Variants in LTBP3 observed in about 807,000 individuals in gnomAD.
LTBP3 encodes latent-transforming growth factor beta-binding protein 3.
A neutral mutation model predicts 159.7 loss-of-function variants in LTBP3; 97 were observed. The observed-to-expected ratio is 0.61, with a 90% CI of 0.52 to 0.72. The LOEUF is 0.72. LTBP3 is among the 30% of genes least tolerant of loss of function. The probability of loss-of-function intolerance (pLI) is 0.00; values close to 1 mark genes in which losing one functional copy is unlikely to be tolerated. For synonymous variants in LTBP3, 824 were observed against 777.1 expected (o/e 1.06, Z -1.00); for missense variants, 1,584 against 1,864.3 (o/e 0.85, Z 2.77).
chr11:65,552,328 C>T lies in LTBP3; in HGVS notation c.1265G>A (p.Arg422His), dbSNP rs143751614. Reference sequence around the variant, plus strand: ...GCAGCAGCAGAGCTGGCGGGTCAGGCGGGTGGTCAGTGGGTGCTGGCACTG... The same window carrying T: ...GCAGCAGCAGAGCTGGCGGGTCAGGTGGGTGGTCAGTGGGTGCTGGCACTG... Reference protein sequence around the residue: ...EHQCQHPLTTRLTRQLCCCSV... With the variant: ...EHQCQHPLTTHLTRQLCCCSV... The change falls in exon 7 of 28, where the codon CGC (arginine) becomes CAC (histidine). Residue 422 changes from arginine (R) to histidine (H), a missense_variant. Physicochemically the swap from Arg to His is conservative, Grantham distance 29 (BLOSUM62 0). This residue lies in a region of LTBP3 where 156 missense variants were observed against 259.7 expected (regional missense o/e 0.60). Coordinates refer to ENST00000301873, the MANE Select transcript of LTBP3 (RefSeq NM_001130144.3). The surrounding 1 kb of genome is among the most constrained non-coding windows in gnomAD (Gnocchi z 6.0). 3.9e-5 allele frequency: 63 copies of T among 1,614,060 alleles called. No homozygotes were observed. Among genetic ancestry groups the T allele is most frequent in the Admixed American group, 1.2e-4 (7 of 60,022 alleles).
At chr11:65,543,003 G>T in intron 18 of LTBP3, 102 bp downstream of exon 18, 1 of 1,454,812 alleles carries the variant, frequency 6.9e-7, no homozygotes, top group Middle Eastern at 2.1e-4. Flanking sequence ...GATGAAGGAT[G>T]GTTGGATGGG....
At position 65,554,251 on chromosome 11, in the gene LTBP3, G is replaced by A. The variant is rs2135159939; in HGVS notation, c.461C>T (p.Ser154Leu). ...CCCTGTCCTGCTCAGGCCGGGGCCT[G>A]AGCCGCCGGTACCCCCACCGGCTCC... Reference protein sequence around the residue: ...AGGAGGGTGGSGPGLSRTGAL... With the variant: ...AGGAGGGTGGLGPGLSRTGAL... The change falls in exon 2 of 28, where the codon TCA becomes TTA. Residue 154 changes from serine (S) to leucine (L), a missense_variant. Physicochemically the swap from Ser to Leu is moderately radical, Grantham distance 145 (BLOSUM62 -2). Around this residue, in one of 6 missense-constraint regions of LTBP3, gnomAD observed 194 missense variants for 198.7 expected, o/e 0.98. Coordinates refer to ENST00000301873, the MANE Select transcript of LTBP3 (RefSeq NM_001130144.3). The surrounding 1 kb of genome is among the most constrained non-coding windows in gnomAD (Gnocchi z 5.3). 2 of 1,608,044 alleles carry A rather than the reference G, an allele frequency of 1.2e-6. No homozygotes were observed. The highest frequency in any genetic ancestry group is 1.1e-5 in the South Asian group (1 of 90,898).
At chr11:65,551,009 G>T in intron 11 of LTBP3, 117 bp downstream of exon 11, 2 of 876,562 alleles carry the variant, frequency 2.3e-6, no homozygotes, top group Non-Finnish European at 3.7e-6. Context: ...CCAGTGCCCA[G>T]CCCTGGATAC....
chr11:65,547,977 A>C lies in LTBP3; in HGVS notation c.1789T>G (p.Tyr597Asp). The part of the protein sequence containing the change: ...HGECVPGPPD[Y>D]SCHCNPGYRS... ...TAGCCGGGGTTGCAGTGGCAGGAGT[A>C]GTCAGGGGGGCCCGGCACGCACTCT... Residue 597 changes from tyrosine (Y) to aspartate (D), a missense_variant, in exon 12 of 28, where the codon TAC becomes GAC. This residue lies in a region of LTBP3 where 565 missense variants were observed against 677.7 expected (regional missense o/e 0.83). Transcript: ENST00000301873. The surrounding 1 kb of genome is among the most constrained non-coding windows in gnomAD (Gnocchi z 4.6). The C allele has an allele frequency of 6.2e-7, 1 of 1,613,802 alleles. No individual in the cohort carries two copies. The highest frequency in any genetic ancestry group is 8.5e-7 in the Non-Finnish European group (1 of 1,179,980).
Position 65,554,225 on chromosome 11 carries a change from C to T in LTBP3, c.487G>A (p.Ala163Thr). The change falls in exon 2 of 28, where the codon GCC becomes ACC. Residue 163 changes from alanine to threonine, a missense_variant. Coordinates refer to ENST00000301873, the MANE Select transcript of LTBP3 (RefSeq NM_001130144.3). The surrounding 1 kb of genome is among the most constrained non-coding windows in gnomAD (Gnocchi z 5.3). ...GGCGGCAGCGCCCCTGTGGACAGGGCCCCTGTCCTGCTCAGGCCGGGGCCT... is the reference window on the plus strand; with the variant it reads ...GGCGGCAGCGCCCCTGTGGACAGGGTCCCTGTCCTGCTCAGGCCGGGGCCT... Reference protein sequence around the residue: ...GSGPGLSRTGALSTGALPPLA... With the variant: ...GSGPGLSRTGTLSTGALPPLA... The T allele has an allele frequency of 6.2e-6, 10 of 1,609,904 alleles. No individual in the cohort carries two copies. In the South Asian group the frequency reaches 9.9e-5, roughly 16 times the overall value.
intron 19 of LTBP3, 142 bp from the exon 20 acceptor site, chr11:65,541,435 G>T: frequency 7.1e-7 from 1 of 1,407,032 alleles, no homozygotes; most frequent in Non-Finnish European, 9.9e-7. Context: ...TCTCAACGTG[G>T]TGTTCTGGAC....
At chr11:65,545,952 T>G (rs1856347608) in intron 16 of LTBP3, among the ~76,000 whole-genome samples, 1 of 152,162 alleles carries the variant, frequency 6.6e-6, no homozygotes, top group Non-Finnish European at 1.5e-5. Context: ...CCTGCCATGC[T>G]GTTCCTCTCC....
chr11:65,556,801 C>A (rs1565103421), intron 1 of LTBP3, among the ~76,000 whole-genome samples: 1 of 152,198 alleles, frequency 6.6e-6, no homozygotes, highest in Admixed American at 6.5e-5. Flanking sequence ...CATCCTGGGC[C>A]TGGCCTAATT....
At position 65,538,793 on chromosome 11, in the gene LTBP3, A is replaced by G. The variant is rs1855884221; in HGVS notation, c.*287T>C. ...GCCCGCGCCCACGTCAGACGTGAAC[A>G]TCAATTTGCTTCGAAAGCCAAGGGT... On this transcript the variant is annotated 3_prime_UTR_variant, in exon 28 of 28. Coordinates refer to ENST00000301873, the MANE Select transcript of LTBP3 (RefSeq NM_001130144.3). 2 of 803,452 alleles carry G rather than the reference A, an allele frequency of 2.5e-6. No homozygotes were observed. The highest frequency in any genetic ancestry group is 3.5e-5 in the African/African-American group (2 of 56,876). The allele number at this position is 803,452 out of a possible 1,614,324, so 49.8% of individuals were successfully genotyped here.
At position 65,558,282 on chromosome 11, in the gene LTBP3, C is replaced by T; in HGVS notation, c.-323G>A. 3.3e-6 allele frequency: 3 copies of T among 917,364 alleles called. No individual in the cohort carries two copies. Among genetic ancestry groups the T allele is most frequent in the Non-Finnish European group, 4.0e-6 (3 of 752,924 alleles). The allele number at this position is 917,364 out of a possible 1,614,324, so 56.8% of individuals were successfully genotyped here. On this transcript the variant is annotated 5_prime_UTR_variant, in exon 1 of 28. Coordinates refer to ENST00000301873, the MANE Select transcript of LTBP3 (RefSeq NM_001130144.3). ...GGAAGGCCGGGCGGCCGGCCCGCTC[C>T]GCGCCTCCCCCTGGCCGGGCTCCTC...
Position 65,540,928 on chromosome 11 carries a change from C to T in LTBP3, c.2920G>A (p.Gly974Arg), listed in dbSNP as rs1409490872. The T allele has an allele frequency of 1.9e-6, 3 of 1,613,626 alleles. No individual in the cohort carries two copies. The highest frequency in any genetic ancestry group is 2.7e-5 in the African/African-American group (2 of 75,064). ...SAEFHSLCPD[G>R]KGYTQDNNIV... Reference sequence around the variant, plus strand: ...TTGTTGTCCTGGGTGTAGCCCTTTCCGTCTGGGCAGAGGCTGTGGAACTCG... The same window carrying T: ...TTGTTGTCCTGGGTGTAGCCCTTTCTGTCTGGGCAGAGGCTGTGGAACTCG... Residue 974 changes from glycine to arginine, a missense_variant, in exon 21 of 28, where the codon GGA (glycine) becomes AGA (arginine). By Grantham distance (125) the Gly-to-Arg change is moderately radical (BLOSUM62 -2). Transcript: ENST00000301873.
Position 65,546,160 on chromosome 11 carries a change from G to A in LTBP3, c.2353+282C>T, listed in dbSNP as rs538178928. 11 of 477,344 alleles carry A rather than the reference G, an allele frequency of 2.3e-5. No individual in the cohort carries two copies. Among genetic ancestry groups the A allele is most frequent in the Middle Eastern group, 5.3e-4 (1 of 1,886 alleles). The allele number at this position is 477,344 out of a possible 1,614,324, so 29.6% of individuals were successfully genotyped here. A position where few individuals can be genotyped will look rare whatever the true frequency, so the allele number is the denominator to read the frequency against. Reference sequence around the variant, plus strand: ...GGCGTATAATAAACAGGAGTGCAGGGGGGAGTACTATCGTCTGCCCTCATT... The same window carrying A: ...GGCGTATAATAAACAGGAGTGCAGGAGGGAGTACTATCGTCTGCCCTCATT... On this transcript the variant is annotated intron_variant, in intron 16 of 27. Transcript: ENST00000301873. The surrounding 1 kb of genome is among the most constrained non-coding windows in gnomAD (Gnocchi z 4.0).
At position 65,552,956 on chromosome 11, in the gene LTBP3, C is replaced by T. The variant is rs769391647; in HGVS notation, c.1090G>A (p.Val364Met). 6.8e-5 allele frequency: 110 copies of T among 1,614,062 alleles called. No homozygotes were observed. The highest frequency in any genetic ancestry group is 9.0e-5 in the Non-Finnish European group (106 of 1,180,028). The change falls in exon 6 of 28, where the codon GTG (valine) becomes ATG (methionine). Residue 364 changes from valine (V) to methionine (M), a missense_variant. By Grantham distance (21) the Val-to-Met change is conservative (BLOSUM62 1). This residue lies in a region of LTBP3 where 156 missense variants were observed against 259.7 expected (regional missense o/e 0.60). Transcript: ENST00000301873. The surrounding 1 kb of genome is among the most constrained non-coding windows in gnomAD (Gnocchi z 6.0). The stretch of plus-strand genomic sequence containing the variant: ...TTGAGGCAGTCACCATGGCGACACA[C>T]GCCCGGCATTGCGCACTCGTTGATG... Reference protein sequence around the residue: ...QDINECAMPGVCRHGDCLNNP... With the variant: ...QDINECAMPGMCRHGDCLNNP...
chr11:65,553,972 A>T lies in LTBP3; in HGVS notation c.662-69T>A. The T allele has an allele frequency of 1.3e-6, 2 of 1,566,106 alleles. No individual in the cohort carries two copies. The highest frequency in any genetic ancestry group is 1.7e-6 in the Non-Finnish European group (2 of 1,156,890). On this transcript the variant is annotated intron_variant, in intron 2 of 27. Transcript: ENST00000301873. This position sits in a 1 kb window ranked among gnomAD's most constrained non-coding sequence, Gnocchi z 6.5. Reference sequence around the variant, plus strand: ...GCGGGTCACCGCGCTGAGCTCCTCCAGGGCTGAACCTGCCCTGCCCTGGCC... The same window carrying T: ...GCGGGTCACCGCGCTGAGCTCCTCCTGGGCTGAACCTGCCCTGCCCTGGCC...
At position 65,557,914 on chromosome 11, in the gene LTBP3, G is replaced by C; in HGVS notation, c.46C>G (p.Arg16Gly). 1 of 1,260,194 alleles carries C rather than the reference G, an allele frequency of 7.9e-7. No individual in the cohort carries two copies. Among genetic ancestry groups the C allele is most frequent in the Non-Finnish European group, 1.0e-6 (1 of 992,936 alleles). The allele number at this position is 1,260,194 out of a possible 1,614,324, so 78.1% of individuals were successfully genotyped here. A position where few individuals can be genotyped will look rare whatever the true frequency, so the allele number is the denominator to read the frequency against. ...GAAGGLAPEM[R>G]GAGAAGLLAL... ...AGCAGCCCCGCCGCCCCCGCCCCGC[G>C]CATCTCAGGGGCCAGGCCGCCAGCA... The change falls in exon 1 of 28, where the codon CGC (arginine) becomes GGC (glycine). Residue 16 changes from arginine to glycine, a missense_variant. Physicochemically the swap from Arg to Gly is moderately radical, Grantham distance 125. Coordinates refer to ENST00000301873, the MANE Select transcript of LTBP3 (RefSeq NM_001130144.3).
chr11:65,542,393 T>TTTC (rs1554973003), intron 18 of LTBP3: 16 of 144,648 alleles, frequency 1.1e-4, no homozygotes, highest in Non-Finnish European at 2.0e-4. Flanking sequence ...TTTTTTTTTT[T>TTTC]TTTTTTTTTT....
chr11:65,540,927 C>A lies in LTBP3; in HGVS notation c.2921G>T (p.Gly974Val). ...SAEFHSLCPD[G>V]KGYTQDNNIV... ...GTTGTTGTCCTGGGTGTAGCCCTTT[C>A]CGTCTGGGCAGAGGCTGTGGAACTC... The change falls in exon 21 of 28, where the codon GGA becomes GTA. Residue 974 changes from glycine (G) to valine (V), a missense_variant. Physicochemically the swap from Gly to Val is moderately radical, Grantham distance 109. Coordinates refer to ENST00000301873, the MANE Select transcript of LTBP3 (RefSeq NM_001130144.3). 1 of 1,613,670 alleles carries A rather than the reference C, an allele frequency of 6.2e-7. No individual in the cohort carries two copies. The highest frequency in any genetic ancestry group is 8.5e-7 in the Non-Finnish European group (1 of 1,179,846).
At position 65,558,355 on chromosome 11, in the gene LTBP3, G is replaced by T; in HGVS notation, c.-396C>A. 2 of 248,904 alleles carry T rather than the reference G, an allele frequency of 8.0e-6. No individual in the cohort carries two copies. Among genetic ancestry groups the T allele is most frequent in the Non-Finnish European group, 1.4e-5 (2 of 141,534 alleles). The allele number at this position is 248,904 out of a possible 1,614,324, so 15.4% of individuals were successfully genotyped here. ...GGAGCGCGCGGGGAGGGCTCAGGGAGAAGTGAGCAGTTGTTTTCCCTGGCT... is the reference window on the plus strand; with the variant it reads ...GGAGCGCGCGGGGAGGGCTCAGGGATAAGTGAGCAGTTGTTTTCCCTGGCT... On this transcript the variant is annotated 5_prime_UTR_variant, in exon 1 of 28. Coordinates refer to ENST00000301873, the MANE Select transcript of LTBP3 (RefSeq NM_001130144.3).
Position 65,558,124 on chromosome 11 carries a change from G to A in LTBP3, c.-165C>T. ...GGACCGCGGGGGCCCGGCGGGAGGC[G>A]CGGAGATGCAGACTGGACAGCGGGG... On this transcript the variant is annotated 5_prime_UTR_variant, in exon 1 of 28. Coordinates refer to ENST00000301873, the MANE Select transcript of LTBP3 (RefSeq NM_001130144.3). 1 of 1,081,254 alleles carries A rather than the reference G, an allele frequency of 9.2e-7. No individual in the cohort carries two copies. Among genetic ancestry groups the A allele is most frequent in the Non-Finnish European group, 1.1e-6 (1 of 890,798 alleles). 67.0% of individuals were successfully genotyped at this position (1,081,254 alleles called of 1,614,324 possible).
Sources: gnomAD v4.1 joint callset for allele counts (sites outside exome capture counted in the v4.1 genomes callset) on GRCh38, gnomAD v4.1.1 for gene constraint, gnomAD v4.1.1 regional missense constraint, Gnocchi (gnomAD v3.1) non-coding constraint, MANE v1.5 for transcripts, NCBI Gene and HGNC (gene_info 2026-07-23, HGNC 2026-07-21) for gene names.